SSH1: variants seen among roughly 807,000 people sequenced by gnomAD.
SSH1 encodes the protein protein phosphatase Slingshot homolog 1.
A neutral mutation model predicts 79.7 loss-of-function variants in SSH1; 43 were observed. The observed-to-expected ratio is 0.54, with a 90% CI of 0.42 to 0.70. The LOEUF is 0.70. SSH1 is among the 30% of genes least tolerant of loss of function. The probability of loss-of-function intolerance (pLI) is 0.00; values close to 1 mark genes in which losing one functional copy is unlikely to be tolerated. For synonymous variants in SSH1, 599 were observed against 538.3 expected (o/e 1.11, Z -1.56); for missense variants, 1,206 against 1,358.8 (o/e 0.89, Z 1.77).
In SSH1 at chr12:108,857,568, G is replaced by T; in HGVS notation, c.-72C>A. On this transcript the variant is annotated 5_prime_UTR_variant, in exon 1 of 15. Coordinates refer to ENST00000326495, the MANE Select transcript of SSH1 (RefSeq NM_018984.4). The surrounding 1 kb of genome is among the most constrained non-coding windows in gnomAD (Gnocchi z 4.7). ...CGCCACCGCCACCGCCGCCCGGGCC[G>T]GGCCCGGGGCCTCCTGGAGCCGCGC... 2 of 895,614 alleles carry T rather than the reference G, an allele frequency of 2.2e-6. No homozygotes were observed. Among genetic ancestry groups the T allele is most frequent in the African/African-American group, 3.7e-5 (2 of 54,448 alleles). 55.5% of individuals were successfully genotyped at this position (895,614 alleles called of 1,614,324 possible).
rs1565960068 is a variant in SSH1, at chr12:108,785,749, A to T, written c.*2239T>A. 1 of 145,060 alleles carries T rather than the reference A, an allele frequency of 6.9e-6. No individual in the cohort carries two copies. Among genetic ancestry groups the T allele is most frequent in the Non-Finnish European group, 1.5e-5 (1 of 68,018 alleles). The allele number at this position is 145,060 out of a possible 1,614,324, so 9.0% of individuals were successfully genotyped here. A position where few individuals can be genotyped will look rare whatever the true frequency, so the allele number is the denominator to read the frequency against. On this transcript the variant is annotated 3_prime_UTR_variant, in exon 15 of 15. Transcript: ENST00000326495. ...TCAAAAATATATCATTCTCATACAT[A>T]GACGTGGTTAAAAAACCAACAAAAG...
rs1592998517 is a variant in SSH1, at chr12:108,789,028, G to C, written c.2110C>G (p.Pro704Ala). The C allele has an allele frequency of 1.2e-6, 2 of 1,608,788 alleles. No homozygotes were observed. Among genetic ancestry groups the C allele is most frequent in the East Asian group, 4.5e-5 (2 of 44,722 alleles). ...LASRSRVPEK[P>A]ASGPTEPPPF... ...GGAGGTTCGGTTGGGCCAGAGGCTG[G>C]CTTCTCCGGAACACGGGACCTGCTG... The change falls in exon 15 of 15, where the codon CCA (proline) becomes GCA (alanine). Residue 704 changes from proline (P) to alanine (A), a missense_variant. Physicochemically the swap from Pro to Ala is conservative, Grantham distance 27 (BLOSUM62 -1). This residue lies in a region of SSH1 where 709 missense variants were observed against 730.6 expected (regional missense o/e 0.97). Coordinates refer to ENST00000326495, the MANE Select transcript of SSH1 (RefSeq NM_018984.4).
intron 13 of SSH1, among the ~76,000 whole-genome samples, chr12:108,793,814 A>G (rs1051128376): frequency 1.3e-5 from 2 of 152,232 alleles, no homozygotes; most frequent in Non-Finnish European, 2.9e-5. Flanking sequence ...GAGGGTTAAA[A>G]AGAGAGAGGT....
At chr12:108,842,938 G>A (rs989436103) in intron 2 of SSH1, among the ~76,000 whole-genome samples, 1 of 152,160 alleles carries the variant, frequency 6.6e-6, no homozygotes, top group African/African-American at 2.4e-5. Flanking sequence ...ATGCACACAA[G>A]GCAATCACAG....
intron 3 of SSH1, among the ~76,000 whole-genome samples, chr12:108,820,324 G>C (rs2038069402): frequency 6.6e-6 from 1 of 152,084 alleles, no homozygotes; most frequent in Non-Finnish European, 1.5e-5. Context: ...TGGAGATAAG[G>C]GTTCACATTA....
Position 108,792,561 on chromosome 12 carries a change from G to C in SSH1, c.1618C>G (p.Leu540Val). 3 of 1,614,026 alleles carry C rather than the reference G, an allele frequency of 1.9e-6. No homozygotes were observed. The highest frequency in any genetic ancestry group is 2.5e-6 in the Non-Finnish European group (3 of 1,179,960). ...VHLEDPEREA[L>V]LEEAAPPAEV... ...GCAGGTGGAGCAGCTTCCTCCAACA[G>C]AGCCTCCCTCTCCGGATCCTCCAGG... The change falls in exon 14 of 15, where the codon CTG becomes GTG. Residue 540 changes from leucine to valine, a missense_variant. This residue lies in a region of SSH1 where 709 missense variants were observed against 730.6 expected (regional missense o/e 0.97). Transcript: ENST00000326495.
chr12:108,841,812 C>G (rs574848773), intron 2 of SSH1, among the ~76,000 whole-genome samples: 115 of 145,556 alleles, frequency 7.9e-4, no homozygotes, highest in African/African-American at 2.8e-3. Context: ...CATCCCCCCC[C>G]ACAAAAAAAA....
intron 1 of SSH1, chr12:108,853,042 G>A (rs1273093120): frequency 5.1e-6 from 5 of 985,118 alleles, no homozygotes; most frequent in Non-Finnish European, 6.0e-6. Context: ...AAGGGGAGGG[G>A]GTCATGTTTA....
chr12:108,801,073 T>C (rs1593031571), intron 11 of SSH1, 147 bp from the exon 12 acceptor site: 1 of 765,978 alleles, frequency 1.3e-6, no homozygotes. Context: ...TTTTCCTTAA[T>C]AGCTATGTTT....
Position 108,781,575 on chromosome 12 carries a change from C to T in SSH1, c.*6413G>A, listed in dbSNP as rs1342103796. On this transcript the variant is annotated 3_prime_UTR_variant, in exon 15 of 15. Coordinates refer to ENST00000326495, the MANE Select transcript of SSH1 (RefSeq NM_018984.4). ...AAGTCCAGATGAACTGAACAAAATA[C>T]TTCCTGGCTCTGCAGGCACTGGAAT... is the stretch of plus-strand genomic sequence containing the variant. 6.6e-6 allele frequency: 1 copy of T among 152,244 alleles called. No individual in the cohort carries two copies. Among genetic ancestry groups the T allele is most frequent in the Non-Finnish European group, 1.5e-5 (1 of 68,046 alleles). 9.4% of individuals were successfully genotyped at this position (152,244 alleles called of 1,614,324 possible).
Position 108,817,176 on chromosome 12 carries a change from A to G in SSH1, c.280-17T>C, listed in dbSNP as rs2037927312. 6.2e-7 allele frequency: 1 copy of G among 1,613,092 alleles called. No homozygotes were observed. Among genetic ancestry groups the G allele is most frequent in the African/African-American group, 1.3e-5 (1 of 74,944 alleles). On this transcript the variant is annotated splice_polypyrimidine_tract_variant and intron_variant, in intron 4 of 14. Coordinates refer to ENST00000326495, the MANE Select transcript of SSH1 (RefSeq NM_018984.4). ...GCGCACTGCCTGGAACAGGGCAGAC[A>G]TGCTCTCACTAACCTGCCTTTGGAG...
chr12:108,834,568 C>T (rs115378856), intron 2 of SSH1, among the ~76,000 whole-genome samples: 2,310 of 152,260 alleles, frequency 0.015, 58 homozygotes, highest in African/African-American at 0.047. Flanking sequence ...GTGGGTTCTG[C>T]GGGTGCTTAA....
At chr12:108,812,497 C>T (rs951366776) in intron 5 of SSH1, among the ~76,000 whole-genome samples, 9 of 152,194 alleles carry the variant, frequency 5.9e-5, no homozygotes, top group Non-Finnish European at 8.8e-5. Context: ...GAGCACAGGA[C>T]GGGGGCAGGG....
rs557555191 is a variant in SSH1 at position 108,833,513 on chromosome 12, T to G, written c.111-10152A>C. Among the ~76,000 whole-genome samples the G allele has an allele frequency of 3.1e-4, 47 of 152,234 alleles. 1 individual carries two copies. The highest frequency in any genetic ancestry group is 1.1e-3 in the African/African-American group (47 of 41,540). On this transcript the variant is annotated intron_variant, in intron 2 of 14. Transcript: ENST00000326495. ...TATGGTATGCAGCCCCATACCACAG[T>G]CATTTGTCACCGAGTCCTAACTTTG...
chr12:108,811,070 C>T (rs1454333315), intron 6 of SSH1, among the ~76,000 whole-genome samples, 190 bp downstream of exon 6: 2 of 152,176 alleles, frequency 1.3e-5, no homozygotes, highest in East Asian at 3.8e-4. Flanking sequence ...AGCTAAACTC[C>T]CCAATCAGAC....
rs754727863 is a variant in SSH1, at chr12:108,792,661, G to A, written c.1518C>T (p.Pro506=). The change falls in exon 14 of 15, where the codon CCC becomes CCT. Residue 506 remains proline (P), a synonymous_variant. Coordinates refer to ENST00000326495, the MANE Select transcript of SSH1 (RefSeq NM_018984.4). The part of the protein sequence containing the change: ...DDAAQPGLGP[P]LPCCFRRLSD... ...AGAGTCGCCGGAAACAGCAGGGGAG[G>A]GGGGGCCCTAAGCCGGGCTGGGCGG... The A allele has an allele frequency of 1.2e-6, 2 of 1,611,882 alleles. No individual in the cohort carries two copies. The highest frequency in any genetic ancestry group is 1.7e-6 in the Non-Finnish European group (2 of 1,179,926).
intron 2 of SSH1, among the ~76,000 whole-genome samples, chr12:108,824,257 A>C (rs1257937946): frequency 6.6e-6 from 1 of 152,164 alleles, no homozygotes; most frequent in Non-Finnish European, 1.5e-5. Context: ...CAGTCTGGCC[A>C]ACATGGTGAA....
intron 3 of SSH1, among the ~76,000 whole-genome samples, chr12:108,819,831 A>G (rs1055250883): frequency 2.6e-5 from 4 of 152,158 alleles, no homozygotes; most frequent in Admixed American, 6.5e-5. Context: ...ATACATCACA[A>G]TTACAACCCC....
chr12:108,839,625 A>G (rs891610293), intron 2 of SSH1, among the ~76,000 whole-genome samples: 4 of 152,222 alleles, frequency 2.6e-5, no homozygotes, highest in Non-Finnish European at 5.9e-5. Context: ...AGGACCTTGA[A>G]CAGCCTTCTC....
Sources: allele counts gnomAD v4.1 joint callset (sites outside exome capture counted in the v4.1 genomes callset), GRCh38; gene constraint gnomAD v4.1.1; regional missense constraint gnomAD v4.1.1; non-coding constraint Gnocchi (gnomAD v3.1); transcripts MANE v1.5; gene names NCBI Gene and HGNC (gene_info 2026-07-23, HGNC 2026-07-21).